Variants in VAV2 observed in about 807,000 individuals in gnomAD.
VAV2 encodes vav guanine nucleotide exchange factor 2.
VAV2 carries 67 observed loss-of-function variants against 132.5 expected under a neutral mutation model. That is an observed-to-expected ratio of 0.51 (90% CI 0.42 to 0.62). The LOEUF is 0.62. VAV2 is among the 20% of genes least tolerant of loss of function. The pLI, the probability that VAV2 is intolerant of heterozygous loss-of-function variation, is 0.00. For synonymous variants in VAV2, 492 were observed against 443.5 expected, an observed-to-expected ratio of 1.11 and a Z score of -1.37; for missense variants, 938 against 1,153.6, an observed-to-expected ratio of 0.81 and a Z score of 2.71.
At position 133,794,704 on chromosome 9, in the gene VAV2, T is replaced by G. The variant is rs879478098; in HGVS notation, c.1101+964A>C. Among the ~76,000 whole-genome samples the G allele has an allele frequency of 4.0e-5, 6 of 151,600 alleles. No homozygotes were observed. Among genetic ancestry groups the G allele is most frequent in the Admixed American group, 1.3e-4 (2 of 15,186 alleles). On this transcript the variant is annotated intron_variant, in intron 12 of 29. Coordinates refer to ENST00000371850, the MANE Select transcript of VAV2 (RefSeq NM_001134398.2). The surrounding 1 kb of genome is among the most constrained non-coding windows in gnomAD (Gnocchi z 4.6). ...TCCTGTGCTCCCGACGAGGGAGATG[T>G]GGGGGGGGTCGTCATCCCTCCACCC... is the stretch of plus-strand genomic sequence containing the variant.
At chr9:133,778,982 G>A (rs1484347256) in intron 21 of VAV2, 93 bp from the exon 22 acceptor site, 42 of 1,535,874 alleles carry the variant, frequency 2.7e-5, no homozygotes, top group African/African-American at 4.1e-5. Context: ...CACCAAGCTC[G>A]GCCTCCCCCA....
At chr9:133,810,162 T>C (rs768556003) in intron 6 of VAV2, 29 bp downstream of exon 6, 5 of 1,612,656 alleles carry the variant, frequency 3.1e-6, no homozygotes, top group Non-Finnish European at 3.4e-6. Flanking sequence ...AGGCAGGACG[T>C]CCCCAGCCTC....
rs570558007 is a variant in VAV2, at chr9:133,927,230, T to C, written c.321+11873A>G. Among the ~76,000 whole-genome samples the C allele has an allele frequency of 3.9e-5, 6 of 152,284 alleles. No homozygotes were observed. In the South Asian group the frequency reaches 1.2e-3, roughly 32 times the overall value. The stretch of plus-strand genomic sequence containing the variant: ...AGGAGTGGGAAACCCCTGGCACATG[T>C]ACCCATGCTCTCATACCACACCCAC... On this transcript the variant is annotated intron_variant, in intron 2 of 29. Coordinates refer to ENST00000371850, the MANE Select transcript of VAV2 (RefSeq NM_001134398.2).
rs567046941 is a variant in VAV2 at position 133,927,455 on chromosome 9, C to T, written c.321+11648G>A. 1.4e-3 allele frequency among the ~76,000 whole-genome samples: 220 copies of T among 152,314 alleles called. 3 individuals carry two copies. In the South Asian group the frequency reaches 0.015, roughly 10 times the overall value. On this transcript the variant is annotated intron_variant, in intron 2 of 29. Coordinates refer to ENST00000371850, the MANE Select transcript of VAV2 (RefSeq NM_001134398.2). ...AGGCTCAGCCCAGAGGCTCTTGTCC[C>T]GATTCCACGGGGCAGTCTTTTCAAC...
At chr9:133,948,090 C>T (rs1280722989) in intron 1 of VAV2, among the ~76,000 whole-genome samples, 1 of 152,198 alleles carries the variant, frequency 6.6e-6, no homozygotes, top group Non-Finnish European at 1.5e-5. Context: ...TATGCTCAGA[C>T]CGCACTGAGC....
At chr9:133,777,294 G>A in intron 23 of VAV2, 95 bp downstream of exon 23, 2 of 1,360,974 alleles carry the variant, frequency 1.5e-6, no homozygotes, top group East Asian at 4.6e-5. Context: ...AGGATGTCCT[G>A]AACAAGCCAA....
rs1564531105 is a variant in VAV2, at chr9:133,991,506, C to T, written c.204+569G>A. Among the ~76,000 whole-genome samples, 1 of 152,138 alleles carries T rather than the reference C, an allele frequency of 6.6e-6. No individual in the cohort carries two copies. Among genetic ancestry groups the T allele is most frequent in the Non-Finnish European group, 1.5e-5 (1 of 68,000 alleles). On this transcript the variant is annotated intron_variant, in intron 1 of 29. Coordinates refer to ENST00000371850, the MANE Select transcript of VAV2 (RefSeq NM_001134398.2). The surrounding 1 kb of genome is among the most constrained non-coding windows in gnomAD (Gnocchi z 4.8). Reference sequence around the variant, plus strand: ...GGGAGCCAGGACTGGCGCCAAGTGGCCCGGGTCCGGGTCCGGGAAGAGGCG... The same window carrying T: ...GGGAGCCAGGACTGGCGCCAAGTGGTCCGGGTCCGGGTCCGGGAAGAGGCG...
At chr9:133,791,418 G>A (rs558966197) in intron 13 of VAV2, among the ~76,000 whole-genome samples, 77 of 152,230 alleles carry the variant, frequency 5.1e-4, no homozygotes, top group South Asian at 1.5e-3. Context: ...ACCAGGGGGC[G>A]TCTCCTGCCC....
chr9:133,959,778 C>T (rs2519797), intron 1 of VAV2, among the ~76,000 whole-genome samples: 98,792 of 152,026 alleles, frequency 0.65, 32,276 homozygotes, highest in East Asian at 0.78. Flanking sequence ...GAGAGAGGCA[C>T]AGGGATGAGG....
chr9:133,870,031 G>A (rs7025962), intron 2 of VAV2, among the ~76,000 whole-genome samples: 5,722 of 151,996 alleles, frequency 0.038, 340 homozygotes, highest in African/African-American at 0.13. Context: ...CTTGTGGAAA[G>A]CACGGACAGA....
At chr9:133,814,090 G>A (rs1351966975) in intron 4 of VAV2, among the ~76,000 whole-genome samples, 1 of 152,148 alleles carries the variant, frequency 6.6e-6, no homozygotes, top group Non-Finnish European at 1.5e-5. Context: ...AAAGGCAGCC[G>A]TCAGACGGGT....
intron 1 of VAV2, among the ~76,000 whole-genome samples, chr9:133,984,339 T>G (rs967193367): frequency 1.3e-5 from 2 of 151,900 alleles, no homozygotes; most frequent in African/African-American, 4.8e-5. Context: ...TTCTTCTGAC[T>G]GCAGTGGCTC....
At chr9:133,814,582 G>A (rs569455044) in intron 4 of VAV2, among the ~76,000 whole-genome samples, 3 of 152,090 alleles carry the variant, frequency 2.0e-5, no homozygotes, top group African/African-American at 4.8e-5. Flanking sequence ...GGGGTTGGCC[G>A]TTAAATGCTG....
At chr9:133,797,947 G>T in intron 9 of VAV2, 138 bp from the exon 10 acceptor site, 1 of 699,538 alleles carries the variant, frequency 1.4e-6, no homozygotes, top group Non-Finnish European at 2.3e-6. Flanking sequence ...CCTGCACGTG[G>T]ACACATTCAA....
chr9:133,971,550 T>C (rs766959833), intron 1 of VAV2, among the ~76,000 whole-genome samples: 38 of 152,038 alleles, frequency 2.5e-4, no homozygotes, highest in Admixed American at 1.1e-3. Flanking sequence ...GCTGCTCCAC[T>C]GGGGAGGTGA....
intron 29 of VAV2, among the ~76,000 whole-genome samples, chr9:133,765,345 G>C (rs1341617966): frequency 6.6e-6 from 1 of 152,176 alleles, no homozygotes; most frequent in Non-Finnish European, 1.5e-5. Flanking sequence ...CATGATCAAA[G>C]TTAATGTCAC....
chr9:133,792,157 CTG>C lies in VAV2; in HGVS notation c.1102-290_1102-289del, dbSNP rs1158018389. On this transcript the variant is annotated intron_variant, in intron 12 of 29. Coordinates refer to ENST00000371850, the MANE Select transcript of VAV2 (RefSeq NM_001134398.2). The stretch of plus-strand genomic sequence containing the variant: ...GTTGTGCTGGGTGGGGTGTGTGTGA[CTG>C]TGTGTGTGTAAGCGGGCTGTACTGG... 3.9e-4 allele frequency among the ~76,000 whole-genome samples: 26 copies of C among 66,594 alleles called. No homozygotes were observed. The South Asian group carries it at 7.9e-3, about 20-fold the overall frequency. 43.7% of individuals were successfully genotyped at this position (66,594 alleles called of 152,430 possible).
In VAV2 at chr9:133,918,700, C is replaced by G. The variant is rs73662346; in HGVS notation, c.321+20403G>C. The stretch of plus-strand genomic sequence containing the variant: ...ACCTCAAATCCAGGCCCATCTGAGT[C>G]CAAAAGTCCCATTCTCAACCCCTGG... On this transcript the variant is annotated intron_variant, in intron 2 of 29. Transcript: ENST00000371850. This position sits in a 1 kb window ranked among gnomAD's most constrained non-coding sequence, Gnocchi z 4.7. Among the ~76,000 whole-genome samples the G allele has an allele frequency of 0.027, 4,072 of 152,120 alleles. 186 individuals are homozygous for G. The highest frequency in any genetic ancestry group is 0.092 in the African/African-American group (3,817 of 41,472).
At chr9:133,865,813 G>A (rs1837775708) in intron 2 of VAV2, among the ~76,000 whole-genome samples, 1 of 152,228 alleles carries the variant, frequency 6.6e-6, no homozygotes, top group African/African-American at 2.4e-5. Context: ...TGCTGTAAGT[G>A]CATCCTCAGT....
Sources: gnomAD v4.1 joint callset for allele counts (sites outside exome capture counted in the v4.1 genomes callset) on GRCh38, gnomAD v4.1.1 for gene constraint, Gnocchi (gnomAD v3.1) non-coding constraint, MANE v1.5 for transcripts, NCBI Gene and HGNC (gene_info 2026-07-23, HGNC 2026-07-21) for gene names.